Variants in DLEC1 observed in about 807,000 individuals in gnomAD.
DLEC1 encodes the protein DLEC1 cilia and flagella associated protein, also known as deleted in lung and esophageal cancer protein 1.
In DLEC1, 146 loss-of-function variants were observed where a neutral mutation model predicts 198.1. The observed-to-expected ratio is 0.74, with a 90% CI of 0.64 to 0.85. The LOEUF (loss-of-function observed/expected upper bound fraction) is 0.85, where lower values mean the gene tolerates loss of function less well. DLEC1 is among the 40% of genes least tolerant of loss of function. The probability of loss-of-function intolerance (pLI) is 0.00; values close to 1 mark genes in which losing one functional copy is unlikely to be tolerated. For missense variants in DLEC1, 2,233 were observed against 2,220.0 expected, an observed-to-expected ratio of 1.01 and a Z score of -0.12; for synonymous variants, 897 against 866.8, an observed-to-expected ratio of 1.03 and a Z score of -0.61.
chr3:38,083,635 C>G (rs554599880), intron 6 of DLEC1, among the ~76,000 whole-genome samples: 96 of 152,210 alleles, frequency 6.3e-4, no homozygotes, highest in Non-Finnish European at 1.1e-3. Flanking sequence ...ATTTTCACTT[C>G]TTTTGTGATT....
intron 6 of DLEC1, among the ~76,000 whole-genome samples, chr3:38,071,782 G>A (rs148750429): frequency 6.6e-5 from 10 of 152,348 alleles, no homozygotes; most frequent in African/African-American, 2.4e-4. Context: ...GAGGACCCTT[G>A]TGTAGTGAGG....
chr3:38,114,386 G>A lies in DLEC1; in HGVS notation c.3711G>A (p.Ala1237=), dbSNP rs377488944. 89 of 1,614,068 alleles carry A rather than the reference G, an allele frequency of 5.5e-5. No individual in the cohort carries two copies. The highest frequency in any genetic ancestry group is 6.7e-5 in the Non-Finnish European group (79 of 1,180,018). Residue 1237 remains alanine (A), a synonymous_variant, in exon 26 of 37, where the codon GCG becomes GCA. Coordinates refer to ENST00000308059, the MANE Select transcript of DLEC1 (RefSeq NM_007335.4). The part of the protein sequence containing the change: ...LPEVIPVHMA[A]VGCPISSLRT... Reference sequence around the variant, plus strand: ...AAGTCATCCCAGTGCACATGGCAGCGGTGGGCTGCCCCATCAGCTCCCTGA... The same window carrying A: ...AAGTCATCCCAGTGCACATGGCAGCAGTGGGCTGCCCCATCAGCTCCCTGA...
intron 22 of DLEC1, chr3:38,109,867 C>T: frequency 1.5e-6 from 1 of 677,564 alleles, no homozygotes; most frequent in Non-Finnish European, 2.4e-6. Context: ...CAACTGGGAG[C>T]CATGCCAGCA....
intron 2 of DLEC1, among the ~76,000 whole-genome samples, chr3:38,059,449 A>T (rs1449063883): frequency 6.6e-6 from 1 of 152,008 alleles, no homozygotes; most frequent in Non-Finnish European, 1.5e-5. Flanking sequence ...AGAAGTGAAG[A>T]ACTGGGACCT....
chr3:38,058,432 C>T (rs1042868122), intron 2 of DLEC1, among the ~76,000 whole-genome samples: 5 of 152,134 alleles, frequency 3.3e-5, no homozygotes, highest in Admixed American at 6.6e-5. Flanking sequence ...CCGATGCAGG[C>T]GGCTAGGCGG....
At chr3:38,103,399 A>G (rs748062701) in intron 19 of DLEC1, 2 of 152,290 alleles carry the variant, frequency 1.3e-5, no homozygotes, top group African/African-American at 2.4e-5. Context: ...CATTGCACGT[A>G]ACCTGTGCAG....
chr3:38,040,379 A>G (rs1399864813), intron 1 of DLEC1, among the ~76,000 whole-genome samples: 1 of 152,232 alleles, frequency 6.6e-6, no homozygotes, highest in Non-Finnish European at 1.5e-5. Flanking sequence ...TCAGCAGTGA[A>G]TAAAAACGCC....
chr3:38,117,710 T>C (rs1700255271), intron 32 of DLEC1, 96 bp from the exon 33 acceptor site: 2 of 1,600,924 alleles, frequency 1.2e-6, no homozygotes, highest in African/African-American at 2.7e-5. Context: ...TGAGCCCAAA[T>C]CCCCTCCCCC....
rs199764436 is a variant in DLEC1, at chr3:38,109,363, G to A, written c.3130-69G>A. On this transcript the variant is annotated intron_variant, in intron 21 of 36. Coordinates refer to ENST00000308059, the MANE Select transcript of DLEC1 (RefSeq NM_007335.4). ...GCTCCACAGCAATCCCCTGTGCTGC[G>A]GAAGACCATCTGGGCTCATCTTCAG... 4.2e-5 allele frequency: 67 copies of A among 1,593,972 alleles called. No homozygotes were observed. In the African/African-American group the frequency reaches 7.0e-4, roughly 17 times the overall value.
chr3:38,100,171 C>T, intron 18 of DLEC1, 115 bp from the exon 19 acceptor site: 2 of 1,349,840 alleles, frequency 1.5e-6, no homozygotes, highest in Non-Finnish European at 2.0e-6. Flanking sequence ...CCAGATGGCT[C>T]TTGGAAGAGC....
In DLEC1 at chr3:38,058,232, C is replaced by A. The variant is rs1337628704; in HGVS notation, c.563-1510C>A. ...TACTCCATTCACTCTTACAAACACT[C>A]CCATATCTTCTTGCCTGGAAACATC... On this transcript the variant is annotated intron_variant, in intron 2 of 36. Coordinates refer to ENST00000308059, the MANE Select transcript of DLEC1 (RefSeq NM_007335.4). Among the ~76,000 whole-genome samples the A allele has an allele frequency of 3.3e-5, 5 of 152,220 alleles. No homozygotes were observed. The East Asian group carries it at 9.6e-4, about 29-fold the overall frequency.
At chr3:38,063,803 A>T in intron 5 of DLEC1, 38 bp from the exon 6 acceptor site, 2 of 1,494,434 alleles carry the variant, frequency 1.3e-6, no homozygotes, top group Non-Finnish European at 1.9e-6. Flanking sequence ...TATGGATGAA[A>T]CTAACAGCCT....
At chr3:38,114,003 T>C (rs1700018005) in intron 25 of DLEC1, among the ~76,000 whole-genome samples, 1 of 150,994 alleles carries the variant, frequency 6.6e-6, no homozygotes, top group South Asian at 2.1e-4. Flanking sequence ...CCAGGTGCAG[T>C]GGCTCACACT....
chr3:38,075,282 G>C (rs949946918), intron 6 of DLEC1, among the ~76,000 whole-genome samples: 1 of 152,176 alleles, frequency 6.6e-6, no homozygotes, highest in African/African-American at 2.4e-5. Flanking sequence ...AGGCACCTCA[G>C]ACCATTTGCC....
At chr3:38,050,434 C>G (rs779157021) in intron 2 of DLEC1, among the ~76,000 whole-genome samples, 4 of 152,164 alleles carry the variant, frequency 2.6e-5, no homozygotes, top group Non-Finnish European at 1.5e-5. Context: ...GCTCATGATT[C>G]TGCAGGCTGG....
At chr3:38,051,047 G>A (rs916718959) in intron 2 of DLEC1, among the ~76,000 whole-genome samples, 1 of 151,678 alleles carries the variant, frequency 6.6e-6, no homozygotes, top group Non-Finnish European at 1.5e-5. Context: ...AACCACAGAC[G>A]GGCACCACCA....
intron 16 of DLEC1, 81 bp from the exon 17 acceptor site, chr3:38,097,426 A>G: frequency 6.3e-7 from 1 of 1,591,992 alleles, no homozygotes; most frequent in Non-Finnish European, 8.6e-7. Context: ...AAGTCTGTGC[A>G]AGCCAGATGT....
chr3:38,094,711 CTCCTCCATTGGAGGG>C (rs948235530), intron 12 of DLEC1, among the ~76,000 whole-genome samples, 153 bp from the exon 13 acceptor site: 7 of 152,346 alleles, frequency 4.6e-5, no homozygotes, highest in South Asian at 2.1e-4. Flanking sequence ...CTTGCTGCCC[CTCCTCCATTGGAGGG>C]TCCTCCATTG....
chr3:38,048,688 A>G (rs1442013800), intron 2 of DLEC1, among the ~76,000 whole-genome samples: 2 of 152,210 alleles, frequency 1.3e-5, no homozygotes, highest in East Asian at 1.9e-4. Flanking sequence ...GCTTTCTTCT[A>G]TCGGGAGGAG....
Sources: gnomAD v4.1 joint callset for allele counts (sites outside exome capture counted in the v4.1 genomes callset) on GRCh38, gnomAD v4.1.1 for gene constraint, MANE v1.5 for transcripts, NCBI Gene and HGNC (gene_info 2026-07-23, HGNC 2026-07-21) for gene names.